Variants in FARP2 observed in about 807,000 individuals in gnomAD.
FARP2 encodes the protein FERM, ARHGEF and pleckstrin domain-containing protein 2.
In FARP2, 111 loss-of-function variants were observed where a neutral mutation model predicts 130.5. That is an observed-to-expected ratio of 0.85 (90% confidence interval 0.73 to 1.00). FARP2 has a LOEUF of 1.00. FARP2 is among the 50% of genes least tolerant of loss of function. FARP2 has a pLI of 0.00. For synonymous variants in FARP2, 504 were observed against 516.9 expected (o/e 0.98, Z 0.34); for missense variants, 1,385 against 1,346.3 (o/e 1.03, Z -0.45).
intron 11 of FARP2, among the ~76,000 whole-genome samples, chr2:241,435,908 A>ATTTT (rs34703186): frequency 3.7e-4 from 37 of 100,990 alleles, no homozygotes; most frequent in African/African-American, 7.2e-4. Flanking sequence ...AGTATAGTAA[A>ATTTT]TTTTTTTTTT....
At chr2:241,392,584 A>G (rs1408152765) in intron 2 of FARP2, among the ~76,000 whole-genome samples, 1 of 152,184 alleles carries the variant, frequency 6.6e-6, no homozygotes. Context: ...TCTTCAGTCT[A>G]GAAAGATGAA....
intron 6 of FARP2, among the ~76,000 whole-genome samples, 193 bp downstream of exon 6, chr2:241,411,323 T>C (rs1390803547): frequency 1.3e-5 from 2 of 152,256 alleles, no homozygotes; most frequent in African/African-American, 4.8e-5. Context: ...AGGCAAATAG[T>C]TTCCACGTAG....
intron 13 of FARP2, among the ~76,000 whole-genome samples, chr2:241,448,126 A>G (rs1574842871): frequency 1.3e-5 from 2 of 152,220 alleles, no homozygotes; most frequent in Admixed American, 1.3e-4. Flanking sequence ...CTCAGAGCCC[A>G]TGGATGGGTA....
intron 4 of FARP2, among the ~76,000 whole-genome samples, chr2:241,406,369 A>T (rs1346886683): frequency 1.6e-5 from 2 of 122,554 alleles, no homozygotes; most frequent in African/African-American, 2.6e-5. Context: ...CTCTCTCTTT[A>T]TATATATATA....
chr2:241,377,517 A>G (rs1216241972), intron 2 of FARP2, among the ~76,000 whole-genome samples: 1 of 151,254 alleles, frequency 6.6e-6, no homozygotes, highest in Non-Finnish European at 1.5e-5. Context: ...AATTTTTTGT[A>G]TTTTTAGTAG....
At chr2:241,359,855 C>T (rs954367990) in intron 1 of FARP2, among the ~76,000 whole-genome samples, 1 of 152,200 alleles carries the variant, frequency 6.6e-6, no homozygotes, top group Admixed American at 6.5e-5. Context: ...GCCAGCTGCA[C>T]ATGGTTATTG....
chr2:241,412,422 G>A (rs930698346), intron 6 of FARP2, among the ~76,000 whole-genome samples: 2 of 152,140 alleles, frequency 1.3e-5, no homozygotes, highest in African/African-American at 2.4e-5. Flanking sequence ...CTGAAGTATG[G>A]CAAGTAACAT....
chr2:241,381,218 C>T (rs569188619), intron 2 of FARP2, among the ~76,000 whole-genome samples: 4 of 152,214 alleles, frequency 2.6e-5, no homozygotes, highest in African/African-American at 9.6e-5. Flanking sequence ...CCGCTCCTGG[C>T]CTGTTCTGAT....
At chr2:241,471,632 G>C (rs1268357720) in intron 18 of FARP2, among the ~76,000 whole-genome samples, 6 of 151,496 alleles carry the variant, frequency 4.0e-5, no homozygotes, top group South Asian at 4.2e-4. Flanking sequence ...TAGCTGGGAC[G>C]ACAGGCGCCC....
intron 17 of FARP2, chr2:241,466,528 C>T: frequency 5.1e-6 from 5 of 985,454 alleles, no homozygotes; most frequent in Non-Finnish European, 6.0e-6. Context: ...CCCAGCCCAT[C>T]ATGGGCATCG....
chr2:241,381,235 C>T (rs57440439), intron 2 of FARP2, among the ~76,000 whole-genome samples: 7,376 of 152,142 alleles, frequency 0.048, 400 homozygotes, highest in African/African-American at 0.13. Context: ...TGATTGCCAC[C>T]GCCAGCCACT....
Position 241,463,364 on chromosome 2 carries a change from C to T in FARP2, c.1707C>T (p.Asp569=), listed in dbSNP as rs147643243. ...TCCGCAGCGCAGTGGTGAAGGAGGACGCCATGCCTGCGACTCTGATGACGC... is the reference window on the plus strand; with the variant it reads ...TCCGCAGCGCAGTGGTGAAGGAGGATGCCATGCCTGCGACTCTGATGACGC... ...VWFRSAVVKE[D]AMPATLMTLL... The change falls in exon 16 of 27, where the codon GAC becomes GAT. Residue 569 remains aspartate (D), a synonymous_variant. Transcript: ENST00000264042. 2.4e-5 allele frequency: 39 copies of T among 1,614,110 alleles called. No individual in the cohort carries two copies. The highest frequency in any genetic ancestry group is 1.8e-4 in the South Asian group (16 of 91,082).
At chr2:241,420,386 G>C (rs1293497020) in intron 8 of FARP2, among the ~76,000 whole-genome samples, 1 of 152,158 alleles carries the variant, frequency 6.6e-6, no homozygotes. Flanking sequence ...AAATGAACTG[G>C]TGACATTAAT....
At chr2:241,428,596 A>G (rs1023943196) in intron 8 of FARP2, among the ~76,000 whole-genome samples, 12 of 151,752 alleles carry the variant, frequency 7.9e-5, no homozygotes, top group Middle Eastern at 3.4e-3. Context: ...TAATGTTTGT[A>G]TCTTGGCTTT....
chr2:241,450,379 CAA>C (rs913677513), intron 13 of FARP2, among the ~76,000 whole-genome samples: 2 of 151,154 alleles, frequency 1.3e-5, no homozygotes, highest in South Asian at 2.1e-4. Context: ...AAAAACAAAA[CAA>C]AAAAGGCCAG....
intron 19 of FARP2, among the ~76,000 whole-genome samples, chr2:241,476,463 A>T (rs2064467164): frequency 6.6e-6 from 1 of 152,116 alleles, no homozygotes; most frequent in Non-Finnish European, 1.5e-5. Context: ...CAAGGCAGAC[A>T]GATCACCTGA....
At chr2:241,387,790 C>CAAA (rs200728771) in intron 2 of FARP2, among the ~76,000 whole-genome samples, 5 of 93,888 alleles carry the variant, frequency 5.3e-5, no homozygotes, top group Admixed American at 1.1e-4. Context: ...GAGACTGTCT[C>CAAA]AAAAAAAAAA....
rs536741212 is a variant in FARP2 at position 241,453,413 on chromosome 2, G to C, written c.1412-3334G>C. Among the ~76,000 whole-genome samples the C allele has an allele frequency of 2.2e-4, 34 of 152,088 alleles. No homozygotes were observed. The East Asian group carries it at 3.9e-3, about 17-fold the overall frequency. Reference sequence around the variant, plus strand: ...CAAGGCGGGCAGATCACAAGGTCAGGAGATCGAGACCATCCTGGCTAACAT... The same window carrying C: ...CAAGGCGGGCAGATCACAAGGTCAGCAGATCGAGACCATCCTGGCTAACAT... On this transcript the variant is annotated intron_variant, in intron 13 of 26. Transcript: ENST00000264042.
At chr2:241,464,038 T>G in intron 17 of FARP2, 58 bp downstream of exon 17, 1 of 1,439,566 alleles carries the variant, frequency 6.9e-7, no homozygotes, top group African/African-American at 1.4e-5. Context: ...CAAAACCATC[T>G]TCCCGAAGCT....
Sources: gnomAD v4.1 joint callset for allele counts (sites outside exome capture counted in the v4.1 genomes callset) on GRCh38, gnomAD v4.1.1 for gene constraint, MANE v1.5 for transcripts, NCBI Gene and HGNC (gene_info 2026-07-23, HGNC 2026-07-21) for gene names.